Variants in SGCD observed in about 807,000 individuals in gnomAD.
SGCD encodes delta-sarcoglycan.
A neutral mutation model predicts 36.6 loss-of-function variants in SGCD; 18 were observed. The ratio of observed to expected loss-of-function variants is 0.49; its 90% CI spans 0.34 to 0.73. The LOEUF (loss-of-function observed/expected upper bound fraction) is 0.73. Among genes scored for constraint, SGCD ranks in the 30% least tolerant of loss-of-function variants. The pLI, the probability that SGCD is intolerant of heterozygous loss-of-function variation, is 0.01. For synonymous variants in SGCD, 133 were observed against 130.6 expected (o/e 1.02, Z -0.12); for missense variants, 387 against 346.7 (o/e 1.12, Z -0.92).
intron 4 of SGCD, among the ~76,000 whole-genome samples, chr5:156,516,835 A>G (rs992617069): frequency 1.3e-5 from 2 of 152,154 alleles, no homozygotes; most frequent in African/African-American, 4.8e-5. Flanking sequence ...TGCCTCTACT[A>G]AAAGTACAAA....
chr5:156,681,619 A>G (rs1034182745), intron 7 of SGCD, among the ~76,000 whole-genome samples: 1 of 152,178 alleles, frequency 6.6e-6, no homozygotes, highest in Non-Finnish European at 1.5e-5. Context: ...TCAACAGGGT[A>G]TTTGGGGCAG....
chr5:155,888,688 A>G (rs1253114322), intron 1 of SGCD, among the ~76,000 whole-genome samples: 1 of 152,216 alleles, frequency 6.6e-6, no homozygotes, highest in East Asian at 1.9e-4. Context: ...CTATCTTCAG[A>G]TGAAAGAAAG....
At chr5:155,845,034 C>A in the SGCD span, among the ~76,000 whole-genome samples, 3 of 152,092 alleles carry the variant, frequency 2.0e-5, no homozygotes, top group African/African-American at 4.8e-5. Context: ...CCTAGTCCCC[C>A]ATCCATGACA....
the SGCD span, among the ~76,000 whole-genome samples, chr5:155,838,592 C>T: frequency 6.6e-6 from 1 of 151,994 alleles, no homozygotes; most frequent in Non-Finnish European, 1.5e-5. Flanking sequence ...TTCAGAGAAT[C>T]CACGAGATCA....
chr5:156,553,338 T>A (rs151147965), intron 4 of SGCD, among the ~76,000 whole-genome samples: 1 of 152,310 alleles, frequency 6.6e-6, no homozygotes, highest in East Asian at 1.9e-4. Context: ...AAAGTGTTTC[T>A]TCTTTAAGAT....
At chr5:156,267,547 T>A (rs1042190467) in intron 3 of SGCD, among the ~76,000 whole-genome samples, 1 of 152,316 alleles carries the variant, frequency 6.6e-6, no homozygotes, top group Non-Finnish European at 1.5e-5. Flanking sequence ...AAAGCTCCAA[T>A]TTCCCTCCCT....
intron 4 of SGCD, among the ~76,000 whole-genome samples, chr5:156,563,764 A>C (rs963507553): frequency 2.0e-5 from 3 of 152,080 alleles, no homozygotes; most frequent in East Asian, 3.9e-4. Context: ...TTTTCAATCT[A>C]AATTACAGAG....
intron 4 of SGCD, among the ~76,000 whole-genome samples, chr5:156,537,385 A>C (rs577757698): frequency 3.3e-5 from 5 of 151,456 alleles, no homozygotes; most frequent in Admixed American, 2.6e-4. Context: ...TTGTGGATAG[A>C]GAACACATTT....
chr5:156,398,197 G>C (rs1374069986), intron 3 of SGCD, among the ~76,000 whole-genome samples: 1 of 152,222 alleles, frequency 6.6e-6, no homozygotes, highest in Non-Finnish European at 1.5e-5. Context: ...TTATTCACAT[G>C]CAAGTGTTAA....
At chr5:156,639,122 G>A (rs1762935328) in intron 6 of SGCD, among the ~76,000 whole-genome samples, 1 of 151,518 alleles carries the variant, frequency 6.6e-6, no homozygotes, top group African/African-American at 2.4e-5. Flanking sequence ...TAATATATAT[G>A]TAATATATCT....
At chr5:155,732,923 CT>C in the SGCD span, among the ~76,000 whole-genome samples, 1 of 151,902 alleles carries the variant, frequency 6.6e-6, no homozygotes, top group Non-Finnish European at 1.5e-5. Context: ...TTGCAGCCCA[CT>C]GATATGCAAG....
At chr5:156,717,901 A>G (rs768978611) in intron 7 of SGCD, among the ~76,000 whole-genome samples, 7 of 152,086 alleles carry the variant, frequency 4.6e-5, no homozygotes, top group Non-Finnish European at 1.0e-4. Flanking sequence ...AGGCTTTCCT[A>G]TGTGACCCCT....
chr5:155,974,721 A>G (rs1262345192), intron 1 of SGCD, among the ~76,000 whole-genome samples: 1 of 152,058 alleles, frequency 6.6e-6, no homozygotes. Context: ...TATTTGCACC[A>G]TTCCCTTAAA....
At chr5:156,670,523 C>G (rs896100085) in intron 7 of SGCD, among the ~76,000 whole-genome samples, 2 of 152,206 alleles carry the variant, frequency 1.3e-5, no homozygotes, top group African/African-American at 4.8e-5. Context: ...TTAATTACCC[C>G]TTTCATGATC....
At chr5:156,565,788 C>A (rs1759456310) in intron 4 of SGCD, among the ~76,000 whole-genome samples, 1 of 152,030 alleles carries the variant, frequency 6.6e-6, no homozygotes, top group African/African-American at 2.4e-5. Context: ...TGAGTGAGAA[C>A]ATGCAGTGTT....
At chr5:156,251,119 A>T (rs1391159712) in intron 3 of SGCD, among the ~76,000 whole-genome samples, 3 of 152,218 alleles carry the variant, frequency 2.0e-5, no homozygotes, top group African/African-American at 7.2e-5. Context: ...CTATTAAAGG[A>T]TCTGTCTCTT....
At chr5:156,748,538 C>T (rs1283610725) in intron 7 of SGCD, among the ~76,000 whole-genome samples, 3 of 151,952 alleles carry the variant, frequency 2.0e-5, no homozygotes, top group Non-Finnish European at 4.4e-5. Flanking sequence ...GAAAGCATTA[C>T]AAGAAATAAA....
intron 7 of SGCD, among the ~76,000 whole-genome samples, chr5:156,654,760 A>C (rs1763607670): frequency 6.6e-6 from 1 of 152,188 alleles, no homozygotes; most frequent in Non-Finnish European, 1.5e-5. Context: ...GTTTCAAAAT[A>C]ATTTTAAAGT....
At chr5:156,254,412 A>G (rs1233026016) in intron 3 of SGCD, among the ~76,000 whole-genome samples, 1 of 152,214 alleles carries the variant, frequency 6.6e-6, no homozygotes, top group Non-Finnish European at 1.5e-5. Context: ...TCGTTTTTAA[A>G]GCATGCCATT....
Sources: gnomAD v4.1 joint callset for allele counts (sites outside exome capture counted in the v4.1 genomes callset) on GRCh38, gnomAD v4.1.1 for gene constraint, MANE v1.5 for transcripts, NCBI Gene and HGNC (gene_info 2026-07-23, HGNC 2026-07-21) for gene names.